ARHGAP15: variants seen among roughly 807,000 people sequenced by gnomAD.
ARHGAP15 encodes Rho GTPase activating protein 15.
Under a neutral mutation model 63.7 loss-of-function variants are expected in ARHGAP15, and 51 were observed. That is an observed-to-expected ratio of 0.80 (90% CI 0.64 to 1.01). The LOEUF is 1.01. ARHGAP15 is among the 50% of genes least tolerant of loss of function. The pLI is 0.00. For synonymous variants in ARHGAP15, 191 were observed against 193.8 expected (o/e 0.99, Z 0.12); for missense variants, 560 against 564.6 (o/e 0.99, Z 0.08).
Position 143,600,848 on chromosome 2 carries a change from AT to A in ARHGAP15, c.1004-23279del, listed in dbSNP as rs1490210178. On this transcript the variant is annotated intron_variant, in intron 11 of 13. Transcript: ENST00000295095. Reference sequence around the variant, plus strand: ...CAAATGTATATTTATCTTTCATTGTATTTTTTATTACAATCTAATATTTTTT... The same window carrying A: ...CAAATGTATATTTATCTTTCATTGTATTTTTATTACAATCTAATATTTTTT... Among the ~76,000 whole-genome samples the A allele has an allele frequency of 3.9e-5, 6 of 152,280 alleles. No individual in the cohort carries two copies. The South Asian group carries it at 1.2e-3, about 32-fold the overall frequency.
At chr2:143,217,995 C>G (rs550820448) in intron 4 of ARHGAP15, among the ~76,000 whole-genome samples, 63 of 152,088 alleles carry the variant, frequency 4.1e-4, no homozygotes, top group Non-Finnish European at 7.4e-4. Context: ...GTCCATAACC[C>G]CTCTGTAAAC....
chr2:143,399,365 A>C (rs201634692), intron 6 of ARHGAP15, among the ~76,000 whole-genome samples: 1 of 147,128 alleles, frequency 6.8e-6, no homozygotes, highest in Non-Finnish European at 1.5e-5. Flanking sequence ...AGGCAAAAAA[A>C]TAAAAAAAAA....
At chr2:143,304,701 A>G (rs1021684101) in intron 6 of ARHGAP15, among the ~76,000 whole-genome samples, 7 of 152,146 alleles carry the variant, frequency 4.6e-5, no homozygotes, top group Non-Finnish European at 7.4e-5. Context: ...CTTATTTAAA[A>G]ATAAAAATAC....
chr2:143,451,724 T>C (rs964255395), intron 8 of ARHGAP15, among the ~76,000 whole-genome samples: 1 of 152,032 alleles, frequency 6.6e-6, no homozygotes, highest in African/African-American at 2.4e-5. Flanking sequence ...TGTGTTTTTC[T>C]TAAACTGAAA....
At chr2:143,387,660 T>C (rs927762977) in intron 6 of ARHGAP15, among the ~76,000 whole-genome samples, 7 of 151,210 alleles carry the variant, frequency 4.6e-5, no homozygotes, top group South Asian at 4.2e-4. Flanking sequence ...AACCAGGCCA[T>C]AGAGATGAAA....
chr2:143,453,011 C>T (rs2105137989), intron 8 of ARHGAP15, among the ~76,000 whole-genome samples: 1 of 151,950 alleles, frequency 6.6e-6, no homozygotes, highest in East Asian at 1.9e-4. Context: ...ACCACGGAAG[C>T]ATGGTATAGA....
At chr2:143,595,412 A>C (rs1368806075) in intron 11 of ARHGAP15, among the ~76,000 whole-genome samples, 1 of 152,084 alleles carries the variant, frequency 6.6e-6, no homozygotes, top group Non-Finnish European at 1.5e-5. Flanking sequence ...TAAAGATTCT[A>C]ACTCCAGAAA....
At chr2:143,644,713 C>A (rs1414201799) in intron 12 of ARHGAP15, among the ~76,000 whole-genome samples, 2 of 151,980 alleles carry the variant, frequency 1.3e-5, no homozygotes, top group African/African-American at 4.8e-5. Context: ...ATCAATGATA[C>A]CAAGATATAA....
chr2:143,323,498 A>T (rs1684113236), intron 6 of ARHGAP15, among the ~76,000 whole-genome samples: 2 of 152,222 alleles, frequency 1.3e-5, no homozygotes, highest in Non-Finnish European at 2.9e-5. Context: ...TCGGACAGGG[A>T]TGAAACGTCT....
At chr2:143,519,167 G>T in intron 9 of ARHGAP15, 99 bp from the exon 10 acceptor site, 1 of 889,200 alleles carries the variant, frequency 1.1e-6, no homozygotes, top group Non-Finnish European at 1.8e-6. Context: ...TCTTATGCAA[G>T]ATGAAGATTT....
At chr2:143,298,701 C>T (rs1304613376) in intron 6 of ARHGAP15, among the ~76,000 whole-genome samples, 2 of 151,818 alleles carry the variant, frequency 1.3e-5, no homozygotes, top group African/African-American at 2.4e-5. Flanking sequence ...AATCTCCTCA[C>T]ATATATGGCA....
intron 8 of ARHGAP15, among the ~76,000 whole-genome samples, chr2:143,482,668 T>C (rs1417394488): frequency 6.6e-6 from 1 of 152,250 alleles, no homozygotes; most frequent in African/African-American, 2.4e-5. Flanking sequence ...AACTGTTTTA[T>C]AAGTTTGGCT....
intron 6 of ARHGAP15, among the ~76,000 whole-genome samples, chr2:143,280,475 C>T (rs1474885279): frequency 1.3e-5 from 2 of 152,114 alleles, no homozygotes; most frequent in African/African-American, 2.4e-5. Context: ...CACTACCAAC[C>T]ACTTACCTAA....
At chr2:143,594,289 A>G (rs969826930) in intron 11 of ARHGAP15, among the ~76,000 whole-genome samples, 1 of 152,208 alleles carries the variant, frequency 6.6e-6, no homozygotes, top group Non-Finnish European at 1.5e-5. Flanking sequence ...GCTGGCTGGC[A>G]TTTATTGGCA....
intron 1 of ARHGAP15, among the ~76,000 whole-genome samples, chr2:143,152,036 T>C (rs1488544288): frequency 1.3e-5 from 2 of 151,920 alleles, no homozygotes; most frequent in East Asian, 3.9e-4. Flanking sequence ...CAAAAAAACA[T>C]TGTGTGTTAT....
intron 1 of ARHGAP15, among the ~76,000 whole-genome samples, chr2:143,141,177 C>T (rs1047721422): frequency 2.6e-5 from 4 of 152,180 alleles, no homozygotes; most frequent in Middle Eastern, 3.4e-3. Context: ...AATCCAACAA[C>T]ACTTGGGATT....
chr2:143,452,796 A>T (rs1013437262), intron 8 of ARHGAP15, among the ~76,000 whole-genome samples: 3 of 151,708 alleles, frequency 2.0e-5, no homozygotes, highest in Admixed American at 6.6e-5. Flanking sequence ...TTAATCTTTT[A>T]TCATTTCTAC....
At chr2:143,564,788 T>C (rs563122437) in intron 11 of ARHGAP15, among the ~76,000 whole-genome samples, 1 of 152,378 alleles carries the variant, frequency 6.6e-6, no homozygotes, top group South Asian at 2.1e-4. Flanking sequence ...ATATTATGTA[T>C]GTTAGTATGA....
intron 6 of ARHGAP15, among the ~76,000 whole-genome samples, chr2:143,358,761 T>G (rs1180356676): frequency 6.6e-6 from 1 of 151,880 alleles, no homozygotes; most frequent in Admixed American, 6.6e-5. Flanking sequence ...GATTTTTCTA[T>G]ATAGGATACT....
Sources: allele counts gnomAD v4.1 joint callset (sites outside exome capture counted in the v4.1 genomes callset), GRCh38; gene constraint gnomAD v4.1.1; transcripts MANE v1.5; gene names NCBI Gene and HGNC (gene_info 2026-07-23, HGNC 2026-07-21).